CCNB1: variants seen among roughly 807,000 people sequenced by gnomAD.
CCNB1 encodes the protein G2/mitotic-specific cyclin-B1.
CCNB1 carries 26 observed loss-of-function variants against 44.4 expected under a neutral mutation model. That is an observed-to-expected ratio of 0.59 (90% confidence interval 0.43 to 0.81). The LOEUF is 0.81. Among genes scored for constraint, CCNB1 ranks in the 40% least tolerant of loss-of-function variants. The probability of loss-of-function intolerance (pLI) is 0.00; values close to 1 mark genes in which losing one functional copy is unlikely to be tolerated. For synonymous variants in CCNB1, 195 were observed against 181.4 expected (o/e 1.08, Z -0.60); for missense variants, 477 against 520.9 (o/e 0.92, Z 0.82).
chr5:69,174,470 G>A, intron 5 of CCNB1, 61 bp downstream of exon 5: 1 of 1,532,096 alleles, frequency 6.5e-7, no homozygotes, highest in Admixed American at 1.7e-5. Flanking sequence ...AGAAACTGAT[G>A]TTTTCAGGCC....
At position 69,167,895 on chromosome 5, in the gene CCNB1, T is replaced by C. The variant is rs1231292262; in HGVS notation, c.22-13T>C. On this transcript the variant is annotated splice_polypyrimidine_tract_variant and intron_variant, in intron 1 of 8. Coordinates refer to ENST00000256442, the MANE Select transcript of CCNB1 (RefSeq NM_031966.4). ...TCGTGGATCAGCTCTTAAAGTGGTC[T>C]TGCTTCTTTCAGAACTCGAAAATTA... 1.2e-6 allele frequency: 2 copies of C among 1,604,530 alleles called. No individual in the cohort carries two copies. Among genetic ancestry groups the C allele is most frequent in the Non-Finnish European group, 1.7e-6 (2 of 1,176,050 alleles).
chr5:69,167,606 C>T, intron 1 of CCNB1: 1 of 504,732 alleles, frequency 2.0e-6, no homozygotes, highest in Non-Finnish European at 3.5e-6. Context: ...CTCTGTAACC[C>T]CCTTCCCAGA....
rs1032045160 is a variant in CCNB1 at position 69,177,472 on chromosome 5, C to T, written c.1195-52C>T. The stretch of plus-strand genomic sequence containing the variant: ...TAAATGAATACCTGTATCATTGCAT[C>T]TTGTGATTTTTTTTCTTTTGCCTCT... On this transcript the variant is annotated intron_variant, in intron 8 of 8. Coordinates refer to ENST00000256442, the MANE Select transcript of CCNB1 (RefSeq NM_031966.4). 3.8e-6 allele frequency: 5 copies of T among 1,319,058 alleles called. No homozygotes were observed. The African/African-American group carries it at 7.5e-5, about 20-fold the overall frequency. The allele number at this position is 1,319,058 out of a possible 1,614,324, so 81.7% of individuals were successfully genotyped here.
chr5:69,174,428 GTT>G lies in CCNB1; in HGVS notation c.705+22_705+23del. The G allele has an allele frequency of 6.2e-7, 1 of 1,610,880 alleles. No individual in the cohort carries two copies. The highest frequency in any genetic ancestry group is 1.7e-5 in the Admixed American group (1 of 59,582). ...CATGCAGGTGAGCATTTCAGTAAGA[GTT>G]TTCCCTTCCAGGATTCTAGCCGAGT... On this transcript the variant is annotated intron_variant, in intron 5 of 8. Transcript: ENST00000256442.
chr5:69,177,701 C>A lies in CCNB1; in HGVS notation c.*70C>A. The A allele has an allele frequency of 2.3e-6, 2 of 872,088 alleles. No individual in the cohort carries two copies. The highest frequency in any genetic ancestry group is 3.7e-6 in the Non-Finnish European group (2 of 537,076). The allele number at this position is 872,088 out of a possible 1,614,324, so 54.0% of individuals were successfully genotyped here. On this transcript the variant is annotated 3_prime_UTR_variant, in exon 9 of 9. Coordinates refer to ENST00000256442, the MANE Select transcript of CCNB1 (RefSeq NM_031966.4). ...CACCATGTGCCATCTGTACATATTA[C>A]TGTTGCATTTACTTTTAATAAAGCT... is the stretch of plus-strand genomic sequence containing the variant.
chr5:69,168,325 T>TGTAA lies in CCNB1; in HGVS notation c.345_346insGTAA (p.Ser116ValfsTer4). 3.1e-6 allele frequency: 5 copies of TGTAA among 1,614,170 alleles called. No homozygotes were observed. The highest frequency in any genetic ancestry group is 4.2e-6 in the Non-Finnish European group (5 of 1,180,010). On this transcript the variant is annotated frameshift_variant, in exon 3 of 9. Transcript: ENST00000256442. LOFTEE classifies it high-confidence loss of function. ...CTGAGCCTGTTAAAGAAGAAAAACT[T>TGTAA]TCGCCTGAGCCTATTTTGGTAAACT...
chr5:69,168,123 A>T, intron 2 of CCNB1, 45 bp downstream of exon 2: 1 of 1,611,322 alleles, frequency 6.2e-7, no homozygotes, highest in Non-Finnish European at 8.5e-7. Context: ...CCGCCTTCCA[A>T]CTGTGGCCTT....
chr5:69,174,982 T>C lies in CCNB1; in HGVS notation c.811T>C (p.Phe271Leu). 6.2e-7 allele frequency: 1 copy of C among 1,614,174 alleles called. No individual in the cohort carries two copies. Among genetic ancestry groups the C allele is most frequent in the Non-Finnish European group, 8.5e-7 (1 of 1,180,018 alleles). The change falls in exon 6 of 9, where the codon TTT (phenylalanine) becomes CTT (leucine). Residue 271 changes from phenylalanine to leucine, a missense_variant. Coordinates refer to ENST00000256442, the MANE Select transcript of CCNB1 (RefSeq NM_031966.4). ...MYPPEIGDFAFVTDNTYTKHQ... is the reference protein window; with the variant it reads ...MYPPEIGDFALVTDNTYTKHQ... ...CCCTCCAGAAATTGGTGACTTTGCTTTTGTGACTGACAACACTTATACTAA... is the reference window on the plus strand; with the variant it reads ...CCCTCCAGAAATTGGTGACTTTGCTCTTGTGACTGACAACACTTATACTAA...
intron 5 of CCNB1, among the ~76,000 whole-genome samples, chr5:69,174,646 C>T (rs533799585): frequency 1.3e-5 from 2 of 151,772 alleles, no homozygotes; most frequent in South Asian, 4.2e-4. Flanking sequence ...CTACTGGAGG[C>T]GGAGGTTGCA....
At chr5:69,175,872 C>T (rs940581652) in intron 7 of CCNB1, among the ~76,000 whole-genome samples, 5 of 151,342 alleles carry the variant, frequency 3.3e-5, no homozygotes, top group African/African-American at 7.3e-5. Context: ...GAGGGTGGCA[C>T]GTTTCACATG....
chr5:69,173,170 A>T (rs935616500), intron 4 of CCNB1, among the ~76,000 whole-genome samples: 2 of 152,140 alleles, frequency 1.3e-5, no homozygotes, highest in African/African-American at 4.8e-5. Context: ...GAAACCAAGG[A>T]ATTAGGCAGA....
rs751893634 is a variant in CCNB1 at position 69,177,279 on chromosome 5, CTCT to C, written c.1130_1132del (p.Leu377del). On this transcript the variant is annotated inframe_deletion, in exon 8 of 9. Coordinates refer to ENST00000256442, the MANE Select transcript of CCNB1 (RefSeq NM_031966.4). ...CATTACCTGTCATATACTGAAGAAT[CTCT>C]TCTTCCAGTTATGCAGCACCTGGCT... The C allele has an allele frequency of 3.1e-6, 5 of 1,612,030 alleles. No individual in the cohort carries two copies. The highest frequency in any genetic ancestry group is 1.7e-5 in the Admixed American group (1 of 59,970).
At chr5:69,170,402 C>T (rs1462661194) in intron 3 of CCNB1, among the ~76,000 whole-genome samples, 1 of 152,064 alleles carries the variant, frequency 6.6e-6, no homozygotes, top group Non-Finnish European at 1.5e-5. Context: ...ATAAAGGGAG[C>T]TTGAAGGAAA....
chr5:69,174,032 G>A (rs1440462904), intron 4 of CCNB1, among the ~76,000 whole-genome samples: 1 of 152,188 alleles, frequency 6.6e-6, no homozygotes, highest in Non-Finnish European at 1.5e-5. Context: ...GCCTCCCAAA[G>A]TGCTGGGATT....
chr5:69,169,308 C>G (rs149713830), intron 3 of CCNB1, among the ~76,000 whole-genome samples: 1 of 152,162 alleles, frequency 6.6e-6, no homozygotes, highest in African/African-American at 2.4e-5. Flanking sequence ...CCGCCCGCCT[C>G]GGCCTCCGAA....
At chr5:69,169,872 G>T (rs932738765) in intron 3 of CCNB1, among the ~76,000 whole-genome samples, 1 of 151,918 alleles carries the variant, frequency 6.6e-6, no homozygotes, top group South Asian at 2.1e-4. Flanking sequence ...GGCTGGTCTC[G>T]AACTCTTGAT....
Position 69,168,042 on chromosome 5 carries a change from C to A in CCNB1, c.156C>A (p.Val52=). 1 of 1,614,110 alleles carries A rather than the reference C, an allele frequency of 6.2e-7. No individual in the cohort carries two copies. Among genetic ancestry groups the A allele is most frequent in the South Asian group, 1.1e-5 (1 of 91,042 alleles). ...CTCTTGGGGACATTGGTAACAAAGT[C>A]AGTGAACAACTGCAGGCCAAAATGC... ...RTALGDIGNK[V]SEQLQAKMPM... is the part of the protein sequence containing the mutation. The change falls in exon 2 of 9, where the codon GTC becomes GTA. Residue 52 remains valine, a synonymous_variant. Coordinates refer to ENST00000256442, the MANE Select transcript of CCNB1 (RefSeq NM_031966.4).
At position 69,170,520 on chromosome 5, in the gene CCNB1, C is replaced by T. The variant is rs8192263; in HGVS notation, c.364-750C>T. Among the ~76,000 whole-genome samples, 131 of 152,260 alleles carry T rather than the reference C, an allele frequency of 8.6e-4. 5 individuals are homozygous for T. The East Asian group carries it at 0.024, about 28-fold the overall frequency. On this transcript the variant is annotated intron_variant, in intron 3 of 8. Transcript: ENST00000256442. ...AAATAAAGACTAAAGACTGAATTGT[C>T]ATTTATTTGGACTAACTTCACATGT...
rs1056547637 is a variant in CCNB1 at position 69,175,623 on chromosome 5, A to G, written c.1083+86A>G. On this transcript the variant is annotated intron_variant, in intron 7 of 8. Transcript: ENST00000256442. ...ACTTTTGTTATTAAAAGGCAATTCA[A>G]GTGGTTCATAAATATGGGATCTACT... The G allele has an allele frequency of 5.6e-6, 7 of 1,260,020 alleles. No individual in the cohort carries two copies. The African/African-American group carries it at 9.0e-5, about 16-fold the overall frequency. The allele number at this position is 1,260,020 out of a possible 1,614,324, so 78.1% of individuals were successfully genotyped here. A position where few individuals can be genotyped will look rare whatever the true frequency, so the allele number is the denominator to read the frequency against.
Sources: allele counts gnomAD v4.1 joint callset (sites outside exome capture counted in the v4.1 genomes callset), GRCh38; gene constraint gnomAD v4.1.1; transcripts MANE v1.5; gene names NCBI Gene and HGNC (gene_info 2026-07-23, HGNC 2026-07-21).